JPH3: variants seen among roughly 807,000 people sequenced by gnomAD.
The protein encoded by JPH3 is junctophilin 3.
Under a neutral mutation model 59.6 loss-of-function variants are expected in JPH3, and 11 were observed. The ratio of observed to expected loss-of-function variants is 0.18; its 90% CI spans 0.12 to 0.31. JPH3 has a LOEUF of 0.31. Ranked by LOEUF, JPH3 falls within the 10% of genes least tolerant of loss-of-function variation. The pLI is 1.00. For synonymous variants in JPH3, 673 were observed against 483.6 expected (o/e 1.39, Z -5.14); for missense variants, 1,202 against 1,105.7 (o/e 1.09, Z -1.24).
chr16:87,672,855 T>G lies in JPH3; in HGVS notation c.1161-11287T>G, dbSNP rs559436684. 4.6e-5 allele frequency among the ~76,000 whole-genome samples: 7 copies of G among 152,246 alleles called. No individual in the cohort carries two copies. The South Asian group carries it at 1.5e-3, about 32-fold the overall frequency. On this transcript the variant is annotated intron_variant, in intron 2 of 4. Coordinates refer to ENST00000284262, the MANE Select transcript of JPH3 (RefSeq NM_020655.4). ...AAAATTATTCTAGGTGGATAAAAAGTTTAAATGTAGGCCAGGCAGTGGCTT... is the reference window on the plus strand; with the variant it reads ...AAAATTATTCTAGGTGGATAAAAAGGTTAAATGTAGGCCAGGCAGTGGCTT...
chr16:87,660,402 A>C (rs2032662679), intron 2 of JPH3, among the ~76,000 whole-genome samples: 1 of 152,050 alleles, frequency 6.6e-6, no homozygotes, highest in African/African-American at 2.4e-5. Context: ...GCTGGAGTGA[A>C]AGGGGCCTCC....
chr16:87,615,350 C>T (rs1316245061), intron 1 of JPH3, among the ~76,000 whole-genome samples: 2 of 152,230 alleles, frequency 1.3e-5, no homozygotes, highest in African/African-American at 2.4e-5. Context: ...CTTCCGGAGG[C>T]CCCGTACCCT....
At chr16:87,648,320 C>A (rs918383512) in intron 2 of JPH3, among the ~76,000 whole-genome samples, 1 of 152,152 alleles carries the variant, frequency 6.6e-6, no homozygotes, top group African/African-American at 2.4e-5. Flanking sequence ...GCTCAGGCGC[C>A]CACAGCCCCA....
chr16:87,620,312 G>C (rs1309386726), intron 1 of JPH3, among the ~76,000 whole-genome samples: 1 of 150,958 alleles, frequency 6.6e-6, no homozygotes, highest in African/African-American at 2.4e-5. Context: ...ACAGTGACCA[G>C]GAGTCACCCA....
At chr16:87,636,675 C>G (rs772987399) in intron 1 of JPH3, among the ~76,000 whole-genome samples, 14 of 152,188 alleles carry the variant, frequency 9.2e-5, no homozygotes, top group Non-Finnish European at 2.1e-4. Context: ...TTACTGATAT[C>G]AGTTATAAAA....
chr16:87,610,432 T>G (rs2150822063), intron 1 of JPH3, among the ~76,000 whole-genome samples: 1 of 152,332 alleles, frequency 6.6e-6, no homozygotes, highest in East Asian at 1.9e-4. Context: ...GCGGTTTGTG[T>G]CCATGCTGGT....
rs1199538697 is a variant in JPH3, at chr16:87,690,288, A to G, written c.1928A>G (p.His643Arg). ...GGACRGLGDDHRPEDRGFGVQ... is the reference protein window; with the variant it reads ...GGACRGLGDDRRPEDRGFGVQ... ...GCCTGCCGGGGCTTGGGGGACGACCACCGCCCCGAGGACCGGGGCTTCGGG... is the reference window on the plus strand; with the variant it reads ...GCCTGCCGGGGCTTGGGGGACGACCGCCGCCCCGAGGACCGGGGCTTCGGG... The change falls in exon 4 of 5, where the codon CAC becomes CGC. Residue 643 changes from histidine to arginine, a missense_variant. Coordinates refer to ENST00000284262, the MANE Select transcript of JPH3 (RefSeq NM_020655.4). The G allele has an allele frequency of 1.3e-6, 2 of 1,599,116 alleles. No homozygotes were observed. The highest frequency in any genetic ancestry group is 1.3e-5 in the African/African-American group (1 of 74,610).
intron 4 of JPH3, chr16:87,694,886 C>G (rs1251231090): frequency 4.4e-6 from 1 of 227,286 alleles, no homozygotes; most frequent in South Asian, 6.5e-5. Flanking sequence ...ATGCACTGCT[C>G]CTGCGCTTTC....
intron 2 of JPH3, among the ~76,000 whole-genome samples, chr16:87,683,699 C>A (rs1406714204): frequency 1.3e-5 from 2 of 152,172 alleles, no homozygotes; most frequent in African/African-American, 4.8e-5. Context: ...CTCCACCTCC[C>A]AGATTCAAGC....
At chr16:87,623,873 G>A (rs1477740631) in intron 1 of JPH3, among the ~76,000 whole-genome samples, 2 of 152,234 alleles carry the variant, frequency 1.3e-5, no homozygotes, top group East Asian at 1.9e-4. Context: ...AGGCCGCAGA[G>A]CAAGCTTTCT....
At chr16:87,647,568 G>A (rs925610682) in intron 2 of JPH3, among the ~76,000 whole-genome samples, 2 of 152,184 alleles carry the variant, frequency 1.3e-5, no homozygotes, top group South Asian at 2.1e-4. Flanking sequence ...CCGTCCCTTC[G>A]CCCGAGCGGG....
At chr16:87,614,310 G>A (rs2030854820) in intron 1 of JPH3, among the ~76,000 whole-genome samples, 1 of 151,846 alleles carries the variant, frequency 6.6e-6, no homozygotes, top group African/African-American at 2.4e-5. Context: ...CCCCTCCAAG[G>A]ATAAAGGCAG....
intron 1 of JPH3, among the ~76,000 whole-genome samples, chr16:87,615,555 C>T (rs2030924913): frequency 6.6e-6 from 1 of 152,146 alleles, no homozygotes; most frequent in Non-Finnish European, 1.5e-5. Context: ...CCCCCATTTT[C>T]CAGATGGGAA....
chr16:87,659,404 C>T lies in JPH3; in HGVS notation c.1160+14369C>T, dbSNP rs972059764. Among the ~76,000 whole-genome samples the T allele has an allele frequency of 5.1e-5, 5 of 97,270 alleles. 1 individual carries two copies. Among genetic ancestry groups the T allele is most frequent in the African/African-American group, 2.2e-4 (5 of 22,388 alleles). The allele number at this position is 97,270 out of a possible 152,430, so 63.8% of individuals were successfully genotyped here. A position where few individuals can be genotyped will look rare whatever the true frequency, so the allele number is the denominator to read the frequency against. On this transcript the variant is annotated intron_variant, in intron 2 of 4. Coordinates refer to ENST00000284262, the MANE Select transcript of JPH3 (RefSeq NM_020655.4). The stretch of plus-strand genomic sequence containing the variant: ...AAAAAAAAGAAAAAAAAAAAGAAAA[C>T]TACACACACATACACACAACATAAA...
At chr16:87,657,894 C>T (rs898522262) in intron 2 of JPH3, among the ~76,000 whole-genome samples, 2 of 152,172 alleles carry the variant, frequency 1.3e-5, no homozygotes, top group African/African-American at 4.8e-5. Context: ...GACAATGGGG[C>T]TTCAGTGCTG....
At chr16:87,634,297 C>A (rs553492515) in intron 1 of JPH3, among the ~76,000 whole-genome samples, 31 of 152,110 alleles carry the variant, frequency 2.0e-4, no homozygotes, top group Non-Finnish European at 4.0e-4. Flanking sequence ...TCCGGGGCAT[C>A]CTGGGCAGAG....
intron 2 of JPH3, among the ~76,000 whole-genome samples, chr16:87,667,035 C>G (rs77075444): frequency 0.019 from 2,849 of 152,354 alleles, 85 homozygotes; most frequent in African/African-American, 0.065. Context: ...CGGGCAGAAG[C>G]TCGAGACGAG....
chr16:87,643,570 C>G (rs1470536041), intron 1 of JPH3, among the ~76,000 whole-genome samples: 3 of 152,218 alleles, frequency 2.0e-5, no homozygotes, highest in African/African-American at 7.2e-5. Flanking sequence ...GTAGCCCACA[C>G]CTGTGTCCCT....
At chr16:87,690,594 C>T (rs780046610) in intron 4 of JPH3, 68 bp downstream of exon 4, 1 of 1,391,700 alleles carries the variant, frequency 7.2e-7, no homozygotes, top group Non-Finnish European at 9.4e-7. Context: ...CCTGGTGTTT[C>T]CTGAGGGTTT....
Sources: gnomAD v4.1 joint callset for allele counts (sites outside exome capture counted in the v4.1 genomes callset) on GRCh38, gnomAD v4.1.1 for gene constraint, MANE v1.5 for transcripts, NCBI Gene and HGNC (gene_info 2026-07-23, HGNC 2026-07-21) for gene names.